Variants in RBMS1 observed in about 807,000 individuals in gnomAD.
The protein encoded by RBMS1 is RNA binding motif single stranded interacting protein 1, also known as RNA-binding motif, single-stranded-interacting protein 1.
Under a neutral mutation model 62.3 loss-of-function variants are expected in RBMS1, and 17 were observed. The ratio of observed to expected loss-of-function variants is 0.27; its 90% CI spans 0.19 to 0.41. RBMS1 has a LOEUF of 0.41. Ranked by LOEUF, RBMS1 falls within the 10% of genes least tolerant of loss-of-function variation. RBMS1 has a pLI of 1.00. For missense variants in RBMS1, 334 were observed against 504.5 expected, an observed-to-expected ratio of 0.66 and a Z score of 3.24; for synonymous variants, 172 against 170.0, an observed-to-expected ratio of 1.01 and a Z score of -0.09.
At chr2:160,410,836 C>T (rs543574365) in intron 1 of RBMS1, among the ~76,000 whole-genome samples, 5 of 152,310 alleles carry the variant, frequency 3.3e-5, no homozygotes, top group South Asian at 2.1e-4. Flanking sequence ...CTCTGCCTCT[C>T]GGGTTCCAGC....
chr2:160,381,558 G>A (rs774989542), intron 1 of RBMS1, among the ~76,000 whole-genome samples: 3 of 152,270 alleles, frequency 2.0e-5, no homozygotes, highest in East Asian at 1.9e-4. Context: ...CAAGGTCACC[G>A]AGGAGGTAGC....
At position 160,415,117 on chromosome 2, in the gene RBMS1, G is replaced by A. The variant is rs145852382; in HGVS notation, c.76-47726C>T. 3.2e-3 allele frequency among the ~76,000 whole-genome samples: 487 copies of A among 151,948 alleles called. 3 individuals are homozygous for A. The highest frequency in any genetic ancestry group is 0.011 in the African/African-American group (465 of 41,438). ...TGTCTCAATCTTCTATACTCTGATT[G>A]TGCAAATCTAGTATGGAGCTGTTAT... On this transcript the variant is annotated intron_variant, in intron 1 of 13. Transcript: ENST00000348849.
intron 2 of RBMS1, among the ~76,000 whole-genome samples, chr2:160,363,609 C>T (rs1693247341): frequency 6.6e-6 from 1 of 152,008 alleles, no homozygotes; most frequent in South Asian, 2.1e-4. Context: ...AAAGAAGAAT[C>T]CACAAAACTT....
chr2:160,455,791 C>T (rs1428141152), intron 1 of RBMS1, among the ~76,000 whole-genome samples: 2 of 149,152 alleles, frequency 1.3e-5, no homozygotes, highest in African/African-American at 5.0e-5. Context: ...TCACGCCATT[C>T]TCCTGCCTCA....
intron 6 of RBMS1, among the ~76,000 whole-genome samples, chr2:160,289,930 C>A (rs1688594880): frequency 6.7e-6 from 1 of 150,208 alleles, no homozygotes; most frequent in Non-Finnish European, 1.5e-5. Flanking sequence ...TTTAGGGTGG[C>A]AAAAGGGCCT....
At chr2:160,368,231 C>A (rs1046927738) in intron 1 of RBMS1, among the ~76,000 whole-genome samples, 1 of 152,210 alleles carries the variant, frequency 6.6e-6, no homozygotes, top group African/African-American at 2.4e-5. Context: ...CAAAAGGGCA[C>A]GTAACCCCAA....
chr2:160,329,559 CAG>C (rs1361242699), intron 2 of RBMS1, among the ~76,000 whole-genome samples: 8 of 152,046 alleles, frequency 5.3e-5, no homozygotes, highest in African/African-American at 1.9e-4. Context: ...TCAAGAAAAT[CAG>C]AGAGGAATTA....
chr2:160,305,214 C>T (rs1004210878), intron 4 of RBMS1, among the ~76,000 whole-genome samples: 1 of 152,114 alleles, frequency 6.6e-6, no homozygotes, highest in Non-Finnish European at 1.5e-5. Flanking sequence ...ATAAAGTCTA[C>T]AGCAGTGTAA....
At chr2:160,434,593 C>T (rs1292927501) in intron 1 of RBMS1, among the ~76,000 whole-genome samples, 1 of 152,110 alleles carries the variant, frequency 6.6e-6, no homozygotes, top group Admixed American at 6.5e-5. Flanking sequence ...TGCAGTAATA[C>T]AGTGGCCTCT....
chr2:160,374,651 T>G (rs1281616656), intron 1 of RBMS1, among the ~76,000 whole-genome samples: 1 of 152,056 alleles, frequency 6.6e-6, no homozygotes, highest in African/African-American at 2.4e-5. Flanking sequence ...AAAAATTGGC[T>G]GGGCACGGTG....
intron 1 of RBMS1, among the ~76,000 whole-genome samples, chr2:160,434,105 T>A: frequency 6.6e-6 from 1 of 152,220 alleles, no homozygotes; most frequent in South Asian, 2.1e-4. Flanking sequence ...ACTAGTCAAA[T>A]GACTTCGATA....
chr2:160,353,120 T>C (rs1423805343), intron 2 of RBMS1, among the ~76,000 whole-genome samples: 3 of 152,152 alleles, frequency 2.0e-5, no homozygotes, highest in Non-Finnish European at 4.4e-5. Flanking sequence ...GCAACTGTTA[T>C]CCACATTTTT....
At chr2:160,310,294 T>C (rs1689777193) in intron 4 of RBMS1, among the ~76,000 whole-genome samples, 1 of 152,220 alleles carries the variant, frequency 6.6e-6, no homozygotes, top group South Asian at 2.1e-4. Flanking sequence ...GATCACCAAA[T>C]AATACGGTTG....
chr2:160,292,878 C>T (rs1688752865), intron 6 of RBMS1, among the ~76,000 whole-genome samples: 1 of 152,204 alleles, frequency 6.6e-6, no homozygotes, highest in Non-Finnish European at 1.5e-5. Context: ...GTCTTCTCCT[C>T]CTCAGTAGGA....
rs911050136 is a variant in RBMS1, at chr2:160,391,838, C to T, written c.76-24447G>A. 6.6e-5 allele frequency among the ~76,000 whole-genome samples: 10 copies of T among 152,038 alleles called. No individual in the cohort carries two copies. The East Asian group carries it at 9.7e-4, about 15-fold the overall frequency. On this transcript the variant is annotated intron_variant, in intron 1 of 13. Transcript: ENST00000348849. Reference sequence around the variant, plus strand: ...ACTAAAAATACAAAAATTAGCCGGGCGTGGTGGCACATGCTTGTAGTCTCA... The same window carrying T: ...ACTAAAAATACAAAAATTAGCCGGGTGTGGTGGCACATGCTTGTAGTCTCA...
Position 160,471,049 on chromosome 2 carries a change from C to A in RBMS1, c.75+22240G>T, listed in dbSNP as rs1299208986. 2.0e-5 allele frequency among the ~76,000 whole-genome samples: 3 copies of A among 152,234 alleles called. No homozygotes were observed. In the East Asian group the frequency reaches 5.8e-4, roughly 29 times the overall value. Reference sequence around the variant, plus strand: ...GGGATAAGCTGTGGGAAAAGTGGGACAGAAAAGTGACAGATGATCTTCAAT... The same window carrying A: ...GGGATAAGCTGTGGGAAAAGTGGGAAAGAAAAGTGACAGATGATCTTCAAT... On this transcript the variant is annotated intron_variant, in intron 1 of 13. Coordinates refer to ENST00000348849, the MANE Select transcript of RBMS1 (RefSeq NM_016836.4).
In RBMS1 at chr2:160,311,238, A is replaced by ATCTATATATC. The variant is rs1287458681; in HGVS notation, c.402+1917_402+1918insGATATATAGA. Among the ~76,000 whole-genome samples the ATCTATATATC allele has an allele frequency of 1.1e-3, 129 of 119,240 alleles. 5 individuals are homozygous for ATCTATATATC. The highest frequency in any genetic ancestry group is 2.4e-3 in the Admixed American group (28 of 11,530). The allele number at this position is 119,240 out of a possible 152,430, so 78.2% of individuals were successfully genotyped here. A position where few individuals can be genotyped will look rare whatever the true frequency, so the allele number is the denominator to read the frequency against. On this transcript the variant is annotated intron_variant, in intron 4 of 13. Transcript: ENST00000348849. ...TATCTATCTATCTATCTATCTATAT[A>ATCTATATATC]TATATATATATATATATATAGTCTG...
intron 6 of RBMS1, among the ~76,000 whole-genome samples, chr2:160,290,666 C>G (rs1053595272): frequency 9.2e-5 from 14 of 152,172 alleles, no homozygotes; most frequent in African/African-American, 2.9e-4. Context: ...TTCATCAGAA[C>G]CAACAGGAAC....
intron 1 of RBMS1, among the ~76,000 whole-genome samples, chr2:160,450,088 C>T (rs1683900105): frequency 6.6e-6 from 1 of 152,186 alleles, no homozygotes; most frequent in Non-Finnish European, 1.5e-5. Context: ...GCTGACCACA[C>T]CAACCATACC....
Sources: gnomAD v4.1 joint callset for allele counts (sites outside exome capture counted in the v4.1 genomes callset) on GRCh38, gnomAD v4.1.1 for gene constraint, MANE v1.5 for transcripts, NCBI Gene and HGNC (gene_info 2026-07-23, HGNC 2026-07-21) for gene names.